Variants in COG1 observed in about 807,000 individuals in gnomAD.
COG1 encodes the protein conserved oligomeric Golgi complex subunit 1.
In COG1, 61 loss-of-function variants were observed where a neutral mutation model predicts 102.2. That is an observed-to-expected ratio of 0.60 (90% CI 0.49 to 0.74). The LOEUF (loss-of-function observed/expected upper bound fraction) is 0.74, where lower values mean the gene tolerates loss of function less well. Ranked by LOEUF, COG1 falls within the 30% of genes least tolerant of loss-of-function variation. The pLI is 0.00. For synonymous variants in COG1, 454 were observed against 493.6 expected, an observed-to-expected ratio of 0.92 and a Z score of 1.06; for missense variants, 1,164 against 1,232.1, an observed-to-expected ratio of 0.94 and a Z score of 0.83.
chr17:73,193,462 C>T (rs1203138586), intron 1 of COG1, 78 bp downstream of exon 1: 2 of 1,357,176 alleles, frequency 1.5e-6, no homozygotes, highest in Non-Finnish European at 1.9e-6. Flanking sequence ...CCCCGCCCCC[C>T]TCTGTCAGTC....
At chr17:73,199,716 A>G (rs2061339243) in intron 4 of COG1, 149 bp from the exon 5 acceptor site, 2 of 836,968 alleles carry the variant, frequency 2.4e-6, no homozygotes, top group East Asian at 5.3e-5. Flanking sequence ...CTGCAACTAC[A>G]GGTGTGCACC....
At chr17:73,201,033 A>C in intron 6 of COG1, 76 bp from the exon 7 acceptor site, 2 of 1,352,758 alleles carry the variant, frequency 1.5e-6, no homozygotes, top group South Asian at 2.3e-5. Context: ...GCTAGGATAA[A>C]TTACCATTTG....
chr17:73,193,093 C>A lies in COG1; in HGVS notation c.24C>A (p.Pro8=), dbSNP rs898687512. ...CCATGGCCACCGCGGCAACCTCACC[C>A]GCGCTGAAGCGGCTGGATCTGCGCG... MATAATS[P]ALKRLDLRDP... is the part of the protein sequence containing the mutation. The change falls in exon 1 of 14, where the codon CCC becomes CCA. Residue 8 remains proline, a synonymous_variant. Transcript: ENST00000299886. The A allele has an allele frequency of 2.5e-6, 4 of 1,611,778 alleles. No homozygotes were observed. In the African/African-American group the frequency reaches 4.0e-5, roughly 16 times the overall value.
intron 13 of COG1, chr17:73,207,907 G>T: frequency 8.5e-7 from 1 of 1,183,138 alleles, no homozygotes; most frequent in South Asian, 1.7e-5. Context: ...TCAAGTATCT[G>T]GCTTTAAAAG....
rs78661663 is a variant in COG1 at position 73,197,451 on chromosome 17, C to T, written c.913+55C>T. ...TGGTTCACTCAACTGATAATTTGCT[C>T]AGCGTCTACCGTGTGCCAGCCACCA... On this transcript the variant is annotated intron_variant, in intron 4 of 13. Transcript: ENST00000299886. 93,433 of 1,590,604 alleles carry T rather than the reference C, an allele frequency of 0.059. 3,075 individuals carry two copies. Among genetic ancestry groups the T allele is most frequent in the Middle Eastern group, 0.084 (506 of 6,022 alleles).
chr17:73,201,395 C>T lies in COG1; in HGVS notation c.1568C>T (p.Ser523Phe). 1 of 1,614,222 alleles carries T rather than the reference C, an allele frequency of 6.2e-7. No individual in the cohort carries two copies. The highest frequency in any genetic ancestry group is 8.5e-7 in the Non-Finnish European group (1 of 1,180,034). Residue 523 changes from serine to phenylalanine, a missense_variant, in exon 7 of 14, where the codon TCT (serine) becomes TTT (phenylalanine). Coordinates refer to ENST00000299886, the MANE Select transcript of COG1 (RefSeq NM_018714.3). Reference protein sequence around the residue: ...CVQNFCSALDSKLKVKLDDLL... With the variant: ...CVQNFCSALDFKLKVKLDDLL... ...CAGAACTTCTGTTCTGCCCTGGATT[C>T]TAAGCTGAAGGTTAAACTAGATGAC...
rs142827255 is a variant in COG1 at position 73,196,575 on chromosome 17, G to A, written c.384G>A (p.Pro128=). 120 of 1,614,166 alleles carry A rather than the reference G, an allele frequency of 7.4e-5. 1 individual carries two copies. In the African/African-American group the frequency reaches 8.5e-4, roughly 11 times the overall value. ...AGATCAAGCTACTCTTAGAAATTCCGGAGAAGATCTGGAGCTCGATGGAAG... is the reference window on the plus strand; with the variant it reads ...AGATCAAGCTACTCTTAGAAATTCCAGAGAAGATCTGGAGCTCGATGGAAG... ...AAQIKLLLEI[P]EKIWSSMEAS... is the part of the protein sequence containing the mutation. Residue 128 remains proline (P), a synonymous_variant, in exon 2 of 14, where the codon CCG becomes CCA. Transcript: ENST00000299886.
intron 5 of COG1, 136 bp downstream of exon 5, chr17:73,200,157 A>T: frequency 9.3e-7 from 1 of 1,076,740 alleles, no homozygotes; most frequent in Non-Finnish European, 1.4e-6. Context: ...CCAGCCTCTC[A>T]CTCTGTGACC....
intron 9 of COG1, 150 bp downstream of exon 9, chr17:73,203,943 T>TAGGAGTAGC (rs1200111232): frequency 1.1e-5 from 9 of 844,888 alleles, no homozygotes; most frequent in Non-Finnish European, 1.6e-5. Context: ...TGCTCTATCT[T>TAGGAGTAGC]AGGAGTAGCA....
At position 73,201,400 on chromosome 17, in the gene COG1, C is replaced by G; in HGVS notation, c.1573C>G (p.Leu525Val). 6.2e-7 allele frequency: 1 copy of G among 1,614,232 alleles called. No homozygotes were observed. The change falls in exon 7 of 14, where the codon CTG becomes GTG. Residue 525 changes from leucine (L) to valine (V), a missense_variant. Transcript: ENST00000299886. ...QNFCSALDSK[L>V]KVKLDDLLAY... The stretch of plus-strand genomic sequence containing the variant: ...CTTCTGTTCTGCCCTGGATTCTAAG[C>G]TGAAGGTTAAACTAGATGACCTCCT...
chr17:73,206,385 AGCC>A (rs2061372324), intron 11 of COG1, 123 bp downstream of exon 11: 1 of 808,472 alleles, frequency 1.2e-6, no homozygotes, highest in Admixed American at 1.9e-5. Context: ...AGACACAAAT[AGCC>A]GAGTGTAGTT....
At chr17:73,201,998 A>G in intron 7 of COG1, 98 bp downstream of exon 7, 3 of 1,204,780 alleles carry the variant, frequency 2.5e-6, no homozygotes, top group African/African-American at 1.5e-5. Flanking sequence ...AGGCAAAACA[A>G]TTCTGATTTC....
intron 8 of COG1, 184 bp from the exon 9 acceptor site, chr17:73,203,448 C>T (rs891576690): frequency 1.3e-6 from 1 of 765,656 alleles, no homozygotes; most frequent in Non-Finnish European, 2.2e-6. Context: ...ACCGTGGAGG[C>T]AGTAACAGCA....
chr17:73,193,103 C>T lies in COG1; in HGVS notation c.34C>T (p.Arg12Trp), dbSNP rs201263432. ...CGCGGCAACCTCACCCGCGCTGAAG[C>T]GGCTGGATCTGCGCGACCCTGCGGC... is the stretch of plus-strand genomic sequence containing the variant. ...ATAATSPALK[R>W]LDLRDPAALF... The change falls in exon 1 of 14, where the codon CGG (arginine) becomes TGG (tryptophan). Residue 12 changes from arginine (R) to tryptophan (W), a missense_variant. By Grantham distance (101) the Arg-to-Trp change is moderately radical. Coordinates refer to ENST00000299886, the MANE Select transcript of COG1 (RefSeq NM_018714.3). 3.0e-4 allele frequency: 480 copies of T among 1,611,518 alleles called. 10 individuals carry two copies. The South Asian group carries it at 4.8e-3, about 16-fold the overall frequency.
In COG1 at chr17:73,208,217, G is replaced by A. The variant is rs1022010610; in HGVS notation, c.2806-97G>A. 6 of 1,600,684 alleles carry A rather than the reference G, an allele frequency of 3.7e-6. No homozygotes were observed. In the African/African-American group the frequency reaches 5.3e-5, roughly 14 times the overall value. On this transcript the variant is annotated intron_variant, in intron 13 of 13. Coordinates refer to ENST00000299886, the MANE Select transcript of COG1 (RefSeq NM_018714.3). ...CATCGTGCTTCTCAGCTCCGCTTGTGTGTGCCGTGTGGACTCCGAGTGGCG... is the reference window on the plus strand; with the variant it reads ...CATCGTGCTTCTCAGCTCCGCTTGTATGTGCCGTGTGGACTCCGAGTGGCG...
chr17:73,207,710 C>G, intron 13 of COG1: 1 of 1,292,072 alleles, frequency 7.7e-7, no homozygotes, highest in Non-Finnish European at 1.0e-6. Flanking sequence ...AGTACGATGC[C>G]AACTGTTAAG....
At position 73,201,688 on chromosome 17, in the gene COG1, C is replaced by G. The variant is rs773475574; in HGVS notation, c.1861C>G (p.Leu621Val). Reference protein sequence around the residue: ...VLFMARLCQSLGELCPHLKQC... With the variant: ...VLFMARLCQSVGELCPHLKQC... ...TTTCATGGCCAGACTCTGCCAGTCC[C>G]TGGGAGAGCTGTGCCCCCATCTGAA... The change falls in exon 7 of 14, where the codon CTG becomes GTG. Residue 621 changes from leucine to valine, a missense_variant. Physicochemically the swap from Leu to Val is conservative, Grantham distance 32. Coordinates refer to ENST00000299886, the MANE Select transcript of COG1 (RefSeq NM_018714.3). The G allele has an allele frequency of 4.3e-6, 7 of 1,614,220 alleles. No homozygotes were observed. The highest frequency in any genetic ancestry group is 1.6e-4 in the Middle Eastern group (1 of 6,062).
chr17:73,200,032 A>C lies in COG1; in HGVS notation c.1070+11A>C, dbSNP rs2061340579. Reference sequence around the variant, plus strand: ...GAAATGGATCCACATGTAAGTAACCAGAAAGAGCTTCCCTGCAGCTGGCAG... The same window carrying C: ...GAAATGGATCCACATGTAAGTAACCCGAAAGAGCTTCCCTGCAGCTGGCAG... On this transcript the variant is annotated intron_variant, in intron 5 of 13. Transcript: ENST00000299886. 6.2e-7 allele frequency: 1 copy of C among 1,608,140 alleles called. No homozygotes were observed. The highest frequency in any genetic ancestry group is 1.7e-5 in the Admixed American group (1 of 59,134).
At chr17:73,205,929 T>G in intron 10 of COG1, 1 of 672,898 alleles carries the variant, frequency 1.5e-6, no homozygotes, top group South Asian at 1.8e-5. Flanking sequence ...GAGTATCATT[T>G]GAGCCCTTAG....
Sources: allele counts gnomAD v4.1 joint callset, GRCh38; gene constraint gnomAD v4.1.1; transcripts MANE v1.5; gene names NCBI Gene and HGNC (gene_info 2026-07-23, HGNC 2026-07-21).